Variants in RB1 observed in about 807,000 individuals in gnomAD.
RB1 encodes retinoblastoma-associated protein.
Under a neutral mutation model 135.4 loss-of-function variants are expected in RB1, and 18 were observed. The ratio of observed to expected loss-of-function variants is 0.13; its 90% CI spans 0.09 to 0.20. The LOEUF is 0.20. RB1 is among the 10% of genes least tolerant of loss of function. The pLI, the probability that RB1 is intolerant of heterozygous loss-of-function variation, is 1.00. For missense variants in RB1, 868 were observed against 1,110.0 expected, an observed-to-expected ratio of 0.78 and a Z score of 3.10; for synonymous variants, 365 against 373.2, an observed-to-expected ratio of 0.98 and a Z score of 0.25.
chr13:48,371,508 C>A (rs1225127639), intron 11 of RB1, among the ~76,000 whole-genome samples: 1 of 151,846 alleles, frequency 6.6e-6, no homozygotes, highest in African/African-American at 2.4e-5. Flanking sequence ...AAGATCTGAA[C>A]CAACGATAGT....
At chr13:48,348,363 T>G (rs1349862434) in intron 5 of RB1, among the ~76,000 whole-genome samples, 1 of 151,892 alleles carries the variant, frequency 6.6e-6, no homozygotes, top group Non-Finnish European at 1.5e-5. Flanking sequence ...GGAGTAGTAT[T>G]GAAGATAATT....
intron 17 of RB1, chr13:48,439,885 A>G (rs1949219624): frequency 6.6e-6 from 1 of 152,176 alleles, no homozygotes; most frequent in South Asian, 2.1e-4. Context: ...ACTTTTCAGA[A>G]ATTTATATCA....
intron 17 of RB1, among the ~76,000 whole-genome samples, chr13:48,414,520 G>C (rs1948875490): frequency 6.6e-6 from 1 of 151,974 alleles, no homozygotes; most frequent in African/African-American, 2.4e-5. Flanking sequence ...GAAAAGGCTA[G>C]ATCTAGTTAT....
At chr13:48,433,901 T>C (rs1181955776) in intron 17 of RB1, among the ~76,000 whole-genome samples, 4 of 151,830 alleles carry the variant, frequency 2.6e-5, no homozygotes, top group African/African-American at 9.7e-5. Flanking sequence ...ACATATATAC[T>C]TTTTTTCAGA....
In RB1 at chr13:48,463,793, C is replaced by A. The variant is rs1242344423; in HGVS notation, c.2169C>A (p.Ile723=). ...AGAATATAGACCTTAAATTCAAAAT[C>A]ATTGTAACAGCATACAAGGATCTTC... The part of the protein sequence containing the change: ...KVKNIDLKFK[I]IVTAYKDLPH... Residue 723 remains isoleucine, a synonymous_variant, in exon 21 of 27, where the codon ATC becomes ATA. Transcript: ENST00000267163. 2 of 1,607,540 alleles carry A rather than the reference C, an allele frequency of 1.2e-6. No homozygotes were observed. Among genetic ancestry groups the A allele is most frequent in the East Asian group, 2.2e-5 (1 of 44,684 alleles).
rs528563315 is a variant in RB1, at chr13:48,318,697, C to T, written c.264+11291C>T. 2.1e-5 allele frequency: 13 copies of T among 622,742 alleles called. No homozygotes were observed. The East Asian group carries it at 3.9e-4, about 19-fold the overall frequency. The allele number at this position is 622,742 out of a possible 1,614,324, so 38.6% of individuals were successfully genotyped here. ...GACGGCCTCATGGCATGGCCGCCGC[C>T]TCTACGTTTCCTTTTGCAGCTCAGC... On this transcript the variant is annotated intron_variant, in intron 2 of 26. Transcript: ENST00000267163.
chr13:48,442,464 T>C (rs1252992897), intron 17 of RB1, among the ~76,000 whole-genome samples: 1 of 152,216 alleles, frequency 6.6e-6, no homozygotes, highest in Non-Finnish European at 1.5e-5. Context: ...ATCATAGATA[T>C]TTTTGTCTTA....
At chr13:48,425,352 A>G (rs1440354795) in intron 17 of RB1, among the ~76,000 whole-genome samples, 1 of 152,240 alleles carries the variant, frequency 6.6e-6, no homozygotes, top group African/African-American at 2.4e-5. Flanking sequence ...CAAGGATGCT[A>G]TGTAACCTAG....
intron 17 of RB1, among the ~76,000 whole-genome samples, chr13:48,392,400 C>T (rs1948617754): frequency 6.6e-6 from 1 of 152,186 alleles, no homozygotes; most frequent in South Asian, 2.1e-4. Flanking sequence ...CATGAGCCAC[C>T]ACGCCTGGCC....
Position 48,347,803 on chromosome 13 carries a change from G to T in RB1, c.501-22G>T, listed in dbSNP as rs370905273. ...CTAAATTACGAAAAAATGTTAAAAA[G>T]TCATAATGTTTTTCTTTTCAGGACA... On this transcript the variant is annotated intron_variant, in intron 4 of 26. Coordinates refer to ENST00000267163, the MANE Select transcript of RB1 (RefSeq NM_000321.3). 6.5e-6 allele frequency: 10 copies of T among 1,549,342 alleles called. No homozygotes were observed. In the African/African-American group the frequency reaches 1.1e-4, roughly 17 times the overall value.
chr13:48,341,399 T>C (rs1375764218), intron 2 of RB1: 1 of 152,044 alleles, frequency 6.6e-6, no homozygotes. Context: ...TCACATATAA[T>C]GTTTTCATTT....
chr13:48,456,023 AGATAT>A (rs749951343), intron 18 of RB1, among the ~76,000 whole-genome samples, 176 bp from the exon 19 acceptor site: 1 of 152,212 alleles, frequency 6.6e-6, no homozygotes, highest in Non-Finnish European at 1.5e-5. Context: ...AAATAGAATT[AGATAT>A]GATGATGACA....
chr13:48,381,180 T>A (rs2138144556), intron 16 of RB1, 67 bp from the exon 17 acceptor site: 7 of 1,513,174 alleles, frequency 4.6e-6, no homozygotes, highest in Non-Finnish European at 6.2e-6. Context: ...TGATAATAAC[T>A]TCCAAAAAAA....
At position 48,397,491 on chromosome 13, in the gene RB1, CAG is replaced by C. The variant is rs1593466530; in HGVS notation, c.1695+16049_1695+16050del. Among the ~76,000 whole-genome samples, 9 of 152,108 alleles carry C rather than the reference CAG, an allele frequency of 5.9e-5. No homozygotes were observed. The East Asian group carries it at 1.5e-3, about 26-fold the overall frequency. On this transcript the variant is annotated intron_variant, in intron 17 of 26. Transcript: ENST00000267163. ...GGGAACATCACACACCGGGGCCTGT[CAG>C]GGGGTGCGGGTCTAAGGGAGGGATA...
chr13:48,359,059 G>A (rs1017776202), intron 6 of RB1, among the ~76,000 whole-genome samples: 1 of 151,990 alleles, frequency 6.6e-6, no homozygotes, highest in Non-Finnish European at 1.5e-5. Context: ...ATTATTACTG[G>A]TTTAGCAGTC....
intron 17 of RB1, among the ~76,000 whole-genome samples, chr13:48,393,779 AT>A (rs141872469): frequency 0.015 from 2,245 of 152,288 alleles, 47 homozygotes; most frequent in African/African-American, 0.048. Flanking sequence ...TTTGTATTAA[AT>A]TTTGGTACGT....
At chr13:48,318,342 G>T in intron 2 of RB1, 1 of 1,404,076 alleles carries the variant, frequency 7.1e-7, no homozygotes, top group South Asian at 1.4e-5. Context: ...CCTGCACGCA[G>T]CCCTGGGTTC....
At chr13:48,392,615 T>C (rs1313890722) in intron 17 of RB1, among the ~76,000 whole-genome samples, 1 of 152,180 alleles carries the variant, frequency 6.6e-6, no homozygotes, top group Non-Finnish European at 1.5e-5. Flanking sequence ...ATATCTTCCA[T>C]ATCTATTTTT....
chr13:48,434,868 C>A (rs1000191108), intron 17 of RB1, among the ~76,000 whole-genome samples: 1 of 152,150 alleles, frequency 6.6e-6, no homozygotes, highest in Non-Finnish European at 1.5e-5. Context: ...TTCTGGAGAT[C>A]CATTCACGAT....
Sources: allele counts gnomAD v4.1 joint callset (sites outside exome capture counted in the v4.1 genomes callset), GRCh38; gene constraint gnomAD v4.1.1; transcripts MANE v1.5; gene names NCBI Gene and HGNC (gene_info 2026-07-23, HGNC 2026-07-21).